Variants in MAN1A1 observed in about 807,000 individuals in gnomAD.
MAN1A1 encodes mannosidase alpha class 1A member 1.
MAN1A1 carries 29 observed loss-of-function variants against 70.8 expected under a neutral mutation model. The ratio of observed to expected loss-of-function variants is 0.41; its 90% CI spans 0.31 to 0.56. MAN1A1 has a LOEUF of 0.56. Among genes scored for constraint, MAN1A1 ranks in the 20% least tolerant of loss-of-function variants. MAN1A1 has a pLI of 0.29. For synonymous variants in MAN1A1, 349 were observed against 330.1 expected (o/e 1.06, Z -0.62); for missense variants, 747 against 841.3 (o/e 0.89, Z 1.39).
intron 6 of MAN1A1, among the ~76,000 whole-genome samples, chr6:119,232,374 A>AAT (rs1774707368): frequency 6.8e-6 from 1 of 148,106 alleles, no homozygotes; most frequent in Admixed American, 6.7e-5. Flanking sequence ...CTCTGTCTCA[A>AAT]AAAAAAAAAA....
intron 5 of MAN1A1, among the ~76,000 whole-genome samples, chr6:119,267,912 C>A (rs1052195205): frequency 6.6e-6 from 1 of 152,104 alleles, no homozygotes; most frequent in Non-Finnish European, 1.5e-5. Flanking sequence ...GAGACTTATT[C>A]TATGGGTTCC....
chr6:119,213,060 G>A (rs1774096359), intron 6 of MAN1A1, among the ~76,000 whole-genome samples: 1 of 152,156 alleles, frequency 6.6e-6, no homozygotes, highest in Admixed American at 6.6e-5. Flanking sequence ...TAATTAGGGT[G>A]TAATTTTTAA....
Position 119,194,830 on chromosome 6 carries a change from A to AT in MAN1A1, c.1211-939dup, listed in dbSNP as rs200536531. On this transcript the variant is annotated intron_variant, in intron 8 of 12. Coordinates refer to ENST00000368468, the MANE Select transcript of MAN1A1 (RefSeq NM_005907.4). ...TCACAACTGTAGGATAGGTATCTTC[A>AT]TTTTTTTTCTTTTTTTTTTTTGAGA... is the stretch of plus-strand genomic sequence containing the variant. Among the ~76,000 whole-genome samples, 5 of 107,230 alleles carry AT rather than the reference A, an allele frequency of 4.7e-5. No homozygotes were observed. In the South Asian group the frequency reaches 2.1e-3, roughly 44 times the overall value. The allele number at this position is 107,230 out of a possible 152,430, so 70.3% of individuals were successfully genotyped here. A position where few individuals can be genotyped will look rare whatever the true frequency, so the allele number is the denominator to read the frequency against.
chr6:119,243,032 G>A (rs1213730501), intron 6 of MAN1A1, among the ~76,000 whole-genome samples: 1 of 152,020 alleles, frequency 6.6e-6, no homozygotes, highest in Non-Finnish European at 1.5e-5. Flanking sequence ...TTAGAAAGAT[G>A]TAACTTCTTT....
intron 4 of MAN1A1, 142 bp downstream of exon 4, chr6:119,301,846 T>TATAAG (rs1193448797): frequency 1.1e-5 from 6 of 566,274 alleles, no homozygotes; most frequent in Non-Finnish European, 1.9e-5. Context: ...AAGAATATAG[T>TATAAG]ATAAGATAAT....
chr6:119,254,299 T>C (rs1311067292), intron 5 of MAN1A1, among the ~76,000 whole-genome samples: 1 of 152,226 alleles, frequency 6.6e-6, no homozygotes, highest in Non-Finnish European at 1.5e-5. Context: ...GGACTGGCTG[T>C]ACTACTGTTT....
At position 119,349,547 on chromosome 6, in the gene MAN1A1, G is replaced by C. The variant is rs1283637003; in HGVS notation, c.-228C>G. On this transcript the variant is annotated 5_prime_UTR_variant, in exon 1 of 13. Coordinates refer to ENST00000368468, the MANE Select transcript of MAN1A1 (RefSeq NM_005907.4). ...CTCGGGGAGGGGCAGCGCACCTCTG[G>C]GCAGGAGGGGCGCAGCGTGGGCGGG... The C allele has an allele frequency of 1.0e-6, 1 of 986,284 alleles. No homozygotes were observed. The allele number at this position is 986,284 out of a possible 1,614,324, so 61.1% of individuals were successfully genotyped here.
intron 5 of MAN1A1, among the ~76,000 whole-genome samples, chr6:119,281,682 T>G (rs1776228159): frequency 6.6e-6 from 1 of 152,204 alleles, no homozygotes; most frequent in Non-Finnish European, 1.5e-5. Flanking sequence ...GGTCTATTTC[T>G]CACTGATGTG....
At chr6:119,227,198 AT>A (rs1774541720) in intron 6 of MAN1A1, among the ~76,000 whole-genome samples, 1 of 152,206 alleles carries the variant, frequency 6.6e-6, no homozygotes, top group African/African-American at 2.4e-5. Flanking sequence ...ATTTGCTTGT[AT>A]AAAATTTAGA....
intron 2 of MAN1A1, among the ~76,000 whole-genome samples, chr6:119,329,898 C>T (rs756437551): frequency 7.3e-4 from 111 of 152,238 alleles, no homozygotes; most frequent in Non-Finnish European, 1.4e-3. Context: ...TTACCAAATC[C>T]ACAGAACACT....
chr6:119,246,901 A>G (rs1775182118), intron 6 of MAN1A1, among the ~76,000 whole-genome samples: 1 of 152,110 alleles, frequency 6.6e-6, no homozygotes, highest in Admixed American at 6.5e-5. Flanking sequence ...CCTTAAAGGA[A>G]GAACAGATCC....
chr6:119,310,304 C>T (rs967654003), intron 2 of MAN1A1, among the ~76,000 whole-genome samples: 1 of 152,172 alleles, frequency 6.6e-6, no homozygotes, highest in Non-Finnish European at 1.5e-5. Flanking sequence ...ATATTAGACA[C>T]ATCAAAAGTC....
Position 119,237,937 on chromosome 6 carries a change from G to T in MAN1A1, c.992+10323C>A, listed in dbSNP as rs147985308. 6.0e-3 allele frequency among the ~76,000 whole-genome samples: 913 copies of T among 152,232 alleles called. 7 individuals are homozygous for T. Among genetic ancestry groups the T allele is most frequent in the African/African-American group, 0.021 (865 of 41,536 alleles). ...ACAGCACTTTAAATACACACAGTTA[G>T]ATGGACCTAGGCAAATATATGTAAC... On this transcript the variant is annotated intron_variant, in intron 6 of 12. Coordinates refer to ENST00000368468, the MANE Select transcript of MAN1A1 (RefSeq NM_005907.4).
At chr6:119,206,991 G>A (rs927677707) in intron 6 of MAN1A1, among the ~76,000 whole-genome samples, 20 of 152,234 alleles carry the variant, frequency 1.3e-4, no homozygotes, top group Admixed American at 9.2e-4. Context: ...ATTAGAGCAT[G>A]TGGTAGCACA....
intron 5 of MAN1A1, among the ~76,000 whole-genome samples, chr6:119,259,389 T>G (rs899861361): frequency 6.6e-6 from 1 of 152,226 alleles, no homozygotes; most frequent in Non-Finnish European, 1.5e-5. Flanking sequence ...TACCATATTA[T>G]GTAGTAGTAA....
At chr6:119,255,034 T>G (rs567713171) in intron 5 of MAN1A1, among the ~76,000 whole-genome samples, 2 of 152,250 alleles carry the variant, frequency 1.3e-5, no homozygotes, top group South Asian at 4.1e-4. Context: ...TTTATCTTTT[T>G]ACTTTACCCT....
At chr6:119,276,557 T>C (rs536225978) in intron 5 of MAN1A1, among the ~76,000 whole-genome samples, 1 of 152,350 alleles carries the variant, frequency 6.6e-6, no homozygotes, top group Non-Finnish European at 1.5e-5. Context: ...ATTCCAAGTT[T>C]AGTTATAAAG....
chr6:119,328,145 T>C (rs1366478433), intron 2 of MAN1A1, among the ~76,000 whole-genome samples: 3 of 152,156 alleles, frequency 2.0e-5, no homozygotes, highest in Non-Finnish European at 2.9e-5. Context: ...CTGTGATAAT[T>C]TGTTAGAGCA....
At chr6:119,302,293 T>C (rs1772412446) in intron 3 of MAN1A1, among the ~76,000 whole-genome samples, 190 bp from the exon 4 acceptor site, 1 of 152,136 alleles carries the variant, frequency 6.6e-6, no homozygotes, top group Non-Finnish European at 1.5e-5. Flanking sequence ...GGCTATCGAC[T>C]GATATACTAA....
Sources: allele counts gnomAD v4.1 joint callset (sites outside exome capture counted in the v4.1 genomes callset), GRCh38; gene constraint gnomAD v4.1.1; transcripts MANE v1.5; gene names NCBI Gene and HGNC (gene_info 2026-07-23, HGNC 2026-07-21).